The following ENOX2 variants were observed in gnomAD, a reference collection of about 807,000 sequenced individuals.
The protein encoded by ENOX2 is ecto-NOX disulfide-thiol exchanger 2.
ENOX2 carries 36 observed loss-of-function variants against 45.0 expected under a neutral mutation model. That is an observed-to-expected ratio of 0.80 (90% confidence interval 0.61 to 1.06). ENOX2 has a LOEUF of 1.06. Ranked by LOEUF, ENOX2 falls within the 50% of genes least tolerant of loss-of-function variation. ENOX2 has a pLI of 0.00. For synonymous variants in ENOX2, 174 were observed against 152.3 expected, an observed-to-expected ratio of 1.14 and a Z score of -1.05; for missense variants, 423 against 462.5, an observed-to-expected ratio of 0.91 and a Z score of 0.78.
intron 2 of ENOX2, among the ~76,000 whole-genome samples, chrX:130,818,222 A>G (rs2077523750): frequency 8.9e-6 from 1 of 111,826 alleles, no homozygotes; most frequent in Non-Finnish European, 1.9e-5. Context: ...AAGGAGAACT[A>G]CAAACCACTG....
At chrX:130,750,611 G>A (rs923047635) in intron 3 of ENOX2, among the ~76,000 whole-genome samples, 1 of 110,637 alleles carries the variant, frequency 9.0e-6, no homozygotes, top group African/African-American at 3.3e-5. Context: ...TATAACACAT[G>A]GTATCTGTCC....
intron 2 of ENOX2, among the ~76,000 whole-genome samples, chrX:130,821,722 A>G (rs1350713655): frequency 1.1e-5 from 1 of 92,183 alleles, no homozygotes; most frequent in Non-Finnish European, 2.1e-5. Context: ...AAATAAATAA[A>G]TAAAAATAAA....
intron 2 of ENOX2, among the ~76,000 whole-genome samples, chrX:130,824,430 A>C (rs1347366363): frequency 8.9e-6 from 1 of 111,886 alleles, no homozygotes; most frequent in African/African-American, 3.2e-5. Flanking sequence ...ATGTGAAGTC[A>C]TATCAATATA....
At chrX:130,683,250 C>T (rs1441940111) in intron 5 of ENOX2, among the ~76,000 whole-genome samples, 1 of 111,817 alleles carries the variant, frequency 8.9e-6, no homozygotes, top group Admixed American at 9.5e-5. Context: ...TTCAAAGGAG[C>T]ATCACAGATC....
At chrX:130,691,690 C>T (rs190346259) in intron 4 of ENOX2, among the ~76,000 whole-genome samples, 1 of 112,611 alleles carries the variant, frequency 8.9e-6, no homozygotes, top group East Asian at 2.8e-4. Flanking sequence ...TTTTCCTCTT[C>T]TACTGAAATG....
chrX:130,717,533 T>C (rs1364353042), intron 3 of ENOX2, among the ~76,000 whole-genome samples: 2 of 112,222 alleles, frequency 1.8e-5, no homozygotes, highest in African/African-American at 6.5e-5. Flanking sequence ...CTAACTCATA[T>C]GTCACTGGGA....
At chrX:130,721,234 C>T (rs926361577) in intron 3 of ENOX2, among the ~76,000 whole-genome samples, 1 of 111,672 alleles carries the variant, frequency 9.0e-6, no homozygotes, top group African/African-American at 3.3e-5. Context: ...TAGAGGGCAA[C>T]TGATTTAAGA....
At chrX:130,780,758 G>A (rs760307677) in intron 3 of ENOX2, among the ~76,000 whole-genome samples, 1 of 111,485 alleles carries the variant, frequency 9.0e-6, no homozygotes, top group East Asian at 2.8e-4. Context: ...AGGTAGGAGG[G>A]TTGGGAAAGG....
intron 4 of ENOX2, among the ~76,000 whole-genome samples, chrX:130,692,674 G>A (rs2037641816): frequency 9.4e-6 from 1 of 106,726 alleles, no homozygotes; most frequent in Non-Finnish European, 1.9e-5. Context: ...TCCGCCTCCC[G>A]GGTTCAAGCA....
At chrX:130,654,959 C>T (rs1603297732) in intron 10 of ENOX2, among the ~76,000 whole-genome samples, 1 of 112,089 alleles carries the variant, frequency 8.9e-6, no homozygotes, top group African/African-American at 3.2e-5. Flanking sequence ...ACAAACTCAG[C>T]AATTTATCAA....
chrX:130,773,231 G>A (rs1430302577), intron 3 of ENOX2, among the ~76,000 whole-genome samples: 1 of 111,702 alleles, frequency 9.0e-6, no homozygotes, highest in Non-Finnish European at 1.9e-5. Flanking sequence ...CTGTGCACTT[G>A]GTATTATTAC....
intron 3 of ENOX2, among the ~76,000 whole-genome samples, chrX:130,730,330 T>C (rs190366419): frequency 7.7e-4 from 86 of 112,384 alleles, no homozygotes; most frequent in African/African-American, 2.2e-3. Context: ...AGAAGACCAT[T>C]GATATTAACC....
At chrX:130,840,002 A>T (rs1008839045) in intron 2 of ENOX2, among the ~76,000 whole-genome samples, 1 of 111,484 alleles carries the variant, frequency 9.0e-6, no homozygotes, top group Admixed American at 9.5e-5. Flanking sequence ...TCTTTTTTAC[A>T]ATCCTCTCAG....
intron 3 of ENOX2, among the ~76,000 whole-genome samples, chrX:130,728,684 C>T (rs1184121761): frequency 9.0e-6 from 1 of 111,338 alleles, no homozygotes; most frequent in African/African-American, 3.3e-5. Flanking sequence ...GTTTTCCAGA[C>T]ATATAGGGTT....
chrX:130,637,749 A>T (rs1402447441), intron 10 of ENOX2, among the ~76,000 whole-genome samples: 1 of 112,144 alleles, frequency 8.9e-6, no homozygotes, highest in African/African-American at 3.2e-5. Flanking sequence ...CTACACAATC[A>T]TGTTGCTGAC....
At chrX:130,898,031 A>G (rs1252539084) in intron 2 of ENOX2, among the ~76,000 whole-genome samples, 2 of 109,284 alleles carry the variant, frequency 1.8e-5, no homozygotes, top group Admixed American at 1.9e-4. Flanking sequence ...TTTTTGAGAC[A>G]GAGTCTCACT....
At chrX:130,874,672 CA>C (rs1603376747) in intron 2 of ENOX2, among the ~76,000 whole-genome samples, 1 of 112,104 alleles carries the variant, frequency 8.9e-6, no homozygotes. Flanking sequence ...ATTCCATTAT[CA>C]AAAGGCATCT....
chrX:130,647,163 T>A (rs1278346512), intron 10 of ENOX2, among the ~76,000 whole-genome samples: 5 of 112,068 alleles, frequency 4.5e-5, no homozygotes, highest in Non-Finnish European at 9.4e-5. Flanking sequence ...CTTTTGCCAC[T>A]TAAAATTAAC....
chrX:130,866,510 G>A (rs1326350788), intron 2 of ENOX2, among the ~76,000 whole-genome samples: 5 of 111,825 alleles, frequency 4.5e-5, no homozygotes, highest in African/African-American at 1.6e-4. Flanking sequence ...ATTTACTCCA[G>A]CTGGGATGAT....
Sources: gnomAD v4.1 joint callset for allele counts (sites outside exome capture counted in the v4.1 genomes callset) on GRCh38, gnomAD v4.1.1 for gene constraint, MANE v1.5 for transcripts, NCBI Gene and HGNC (gene_info 2026-07-23, HGNC 2026-07-21) for gene names.